The following CFAP97 variants were observed in gnomAD, a reference collection of about 807,000 sequenced individuals.
CFAP97 encodes the protein cilia- and flagella-associated protein 97.
A neutral mutation model predicts 43.1 loss-of-function variants in CFAP97; 36 were observed. That is an observed-to-expected ratio of 0.84 (90% confidence interval 0.64 to 1.10). The LOEUF (loss-of-function observed/expected upper bound fraction) is 1.10. CFAP97 is among the 50% of genes least tolerant of loss of function. The pLI is 0.00. For missense variants in CFAP97, 657 were observed against 620.3 expected (o/e 1.06, Z -0.63); for synonymous variants, 228 against 225.7 (o/e 1.01, Z -0.09).
In CFAP97 at chr4:185,163,916, CAG is replaced by C. The variant is rs996340646; in HGVS notation, c.1471+111_1471+112del. 1.9e-5 allele frequency: 17 copies of C among 910,392 alleles called. No homozygotes were observed. The African/African-American group carries it at 2.7e-4, about 14-fold the overall frequency. The allele number at this position is 910,392 out of a possible 1,614,324, so 56.4% of individuals were successfully genotyped here. On this transcript the variant is annotated intron_variant, in intron 4 of 4. Coordinates refer to ENST00000458385, the MANE Select transcript of CFAP97 (RefSeq NM_020827.3). The stretch of plus-strand genomic sequence containing the variant: ...AACAAAACATGACAGTGGGAAATAA[CAG>C]AACGCATTCCAGAGTTGGCATTTAA...
intron 2 of CFAP97, among the ~76,000 whole-genome samples, chr4:185,189,622 AAT>A (rs1439402124): frequency 2.0e-5 from 3 of 152,262 alleles, no homozygotes; most frequent in Admixed American, 6.5e-5. Context: ...AAAGCAACTT[AAT>A]GTTTTTCATC....
At chr4:185,202,000 G>A (rs1171769267) in intron 1 of CFAP97, among the ~76,000 whole-genome samples, 1 of 151,506 alleles carries the variant, frequency 6.6e-6, no homozygotes, top group Non-Finnish European at 1.5e-5. Context: ...TACAGCCCCA[G>A]CTGCAGACCC....
intron 1 of CFAP97, among the ~76,000 whole-genome samples, chr4:185,195,601 T>G (rs1400784643): frequency 1.3e-5 from 2 of 152,164 alleles, no homozygotes; most frequent in African/African-American, 2.4e-5. Context: ...GAACATGGAT[T>G]GGAAGGATAC....
rs147852912 is a variant in CFAP97, at chr4:185,190,712, A to G, written c.485T>C (p.Ile162Thr). The change falls in exon 2 of 5, where the codon ATA (isoleucine) becomes ACA (threonine). Residue 162 changes from isoleucine (I) to threonine (T), a missense_variant. Transcript: ENST00000458385. ...GCTAACTTTGCAATACTTTTTCCTT[A>G]TGCTTTTTTTAACGTTAGTAGATGG... ...AKPSTNVKKS[I>T]RKKYCKVSSS... 9.1e-4 allele frequency: 1,430 copies of G among 1,571,560 alleles called. 16 individuals carry two copies. In the African/African-American group the frequency reaches 0.017, roughly 18 times the overall value.
chr4:185,165,615 C>A (rs1180356029), intron 3 of CFAP97, among the ~76,000 whole-genome samples: 1 of 152,344 alleles, frequency 6.6e-6, no homozygotes, highest in East Asian at 1.9e-4. Context: ...CTGACCTGCA[C>A]TAAGTTTCAC....
chr4:185,206,258 T>TA (rs199683804), upstream of CFAP97, among the ~76,000 whole-genome samples: 28 of 152,352 alleles, frequency 1.8e-4, no homozygotes, highest in East Asian at 4.8e-3. Context: ...AGTGTTTGTT[T>TA]ATCAACAGAC....
At chr4:185,188,285 A>G (rs1736089500) in intron 2 of CFAP97, among the ~76,000 whole-genome samples, 1 of 151,840 alleles carries the variant, frequency 6.6e-6, no homozygotes, top group Non-Finnish European at 1.5e-5. Context: ...CCTTCAAAGT[A>G]GCTGGGATTA....
chr4:185,163,569 CCTTACTG>C (rs1418557790), intron 4 of CFAP97, among the ~76,000 whole-genome samples: 2 of 151,804 alleles, frequency 1.3e-5, no homozygotes, highest in African/African-American at 2.4e-5. Context: ...ACACAACAAG[CCTTACTG>C]CTTACTGTAA....
chr4:185,166,610 C>G (rs778808355), intron 3 of CFAP97, among the ~76,000 whole-genome samples: 6 of 152,030 alleles, frequency 3.9e-5, no homozygotes, highest in Non-Finnish European at 5.9e-5. Context: ...CAGATGTGAT[C>G]AAAATCAACA....
upstream of CFAP97, chr4:185,204,024 G>T (rs1275989651): frequency 1.3e-5 from 2 of 151,156 alleles, no homozygotes; most frequent in African/African-American, 4.8e-5. Flanking sequence ...AGGAGGGGCG[G>T]CGTGGGGCCC....
upstream of CFAP97, among the ~76,000 whole-genome samples, chr4:185,205,235 C>T (rs973975544): frequency 2.0e-5 from 3 of 152,282 alleles, no homozygotes; most frequent in South Asian, 2.1e-4. Context: ...GCGGGTGGGG[C>T]CCCCTGAGAG....
upstream of CFAP97, chr4:185,207,887 T>A (rs1439542257): frequency 6.6e-6 from 1 of 152,176 alleles, no homozygotes; most frequent in Non-Finnish European, 1.5e-5. Flanking sequence ...AGGGCTAAAA[T>A]TGAAAAATTA....
chr4:185,199,599 G>C (rs1736733048), intron 1 of CFAP97, among the ~76,000 whole-genome samples: 1 of 151,914 alleles, frequency 6.6e-6, no homozygotes, highest in African/African-American at 2.4e-5. Flanking sequence ...GAACCCAGGA[G>C]GTGGAGGTTG....
chr4:185,167,095 C>T (rs1735099999), intron 3 of CFAP97, among the ~76,000 whole-genome samples: 1 of 152,118 alleles, frequency 6.6e-6, no homozygotes, highest in Non-Finnish European at 1.5e-5. Flanking sequence ...ATGGACACCC[C>T]TGGTGTAAGC....
intron 3 of CFAP97, 144 bp downstream of exon 3, chr4:185,175,639 ACAT>A: frequency 1.4e-6 from 1 of 693,358 alleles, no homozygotes. Context: ...GACTTACAGC[ACAT>A]CATATGTTTC....
At chr4:185,198,170 TG>T (rs1471169559) in intron 1 of CFAP97, among the ~76,000 whole-genome samples, 1 of 152,138 alleles carries the variant, frequency 6.6e-6, no homozygotes, top group East Asian at 1.9e-4. Flanking sequence ...CAGCCGGGTG[TG>T]GTGGCTCACG....
chr4:185,184,674 G>A (rs192231926), intron 2 of CFAP97, among the ~76,000 whole-genome samples: 33 of 152,210 alleles, frequency 2.2e-4, no homozygotes, highest in Admixed American at 9.2e-4. Flanking sequence ...CGTGTCTTTG[G>A]GTGACCTGTT....
At chr4:185,170,013 A>G in intron 3 of CFAP97, 2 of 1,125,498 alleles carry the variant, frequency 1.8e-6, no homozygotes, top group Non-Finnish European at 2.2e-6. Flanking sequence ...GTGACAATTT[A>G]TCACAATCTC....
At chr4:185,201,426 A>C (rs1297479853) in intron 1 of CFAP97, among the ~76,000 whole-genome samples, 1 of 152,176 alleles carries the variant, frequency 6.6e-6, no homozygotes, top group Non-Finnish European at 1.5e-5. Context: ...AATAAAGCAA[A>C]GTTAATCATT....
Sources: allele counts gnomAD v4.1 joint callset (sites outside exome capture counted in the v4.1 genomes callset), GRCh38; gene constraint gnomAD v4.1.1; transcripts MANE v1.5; gene names NCBI Gene and HGNC (gene_info 2026-07-23, HGNC 2026-07-21).